Variants in LINGO2 observed in about 807,000 individuals in gnomAD.
LINGO2 encodes the protein leucine rich repeat and Ig domain containing 2.
A neutral mutation model predicts 30.6 loss-of-function variants in LINGO2; 14 were observed. That is an observed-to-expected ratio of 0.46 (90% confidence interval 0.30 to 0.72). The LOEUF is 0.72. Ranked by LOEUF, LINGO2 falls within the 30% of genes least tolerant of loss-of-function variation. The pLI is 0.07. For missense variants in LINGO2, 729 were observed against 751.7 expected (o/e 0.97, Z 0.35); for synonymous variants, 317 against 288.5 (o/e 1.10, Z -1.00).
In LINGO2 at chr9:28,407,474, C is replaced by T. The variant is rs141976653; in HGVS notation, c.-278-34606G>A. ...GATTACACAGAATTAAAAGCACAGA[C>T]GCACATTTCTCAGCTCACCTAAGTC... On this transcript the variant is annotated intron_variant, in intron 2 of 5. Transcript: ENST00000379992. Among the ~76,000 whole-genome samples the T allele has an allele frequency of 2.2e-3, 332 of 152,250 alleles. 2 individuals are homozygous for T. Among genetic ancestry groups the T allele is most frequent in the African/African-American group, 7.5e-3 (311 of 41,572 alleles).
the LINGO2 span, among the ~76,000 whole-genome samples, chr9:28,772,612 C>T: frequency 6.6e-6 from 1 of 152,188 alleles, no homozygotes; most frequent in Non-Finnish European, 1.5e-5. Context: ...GAAAGCATAC[C>T]TTATTTCTTC....
At chr9:28,057,626 T>C (rs1051126002) in intron 4 of LINGO2, among the ~76,000 whole-genome samples, 1 of 149,120 alleles carries the variant, frequency 6.7e-6, no homozygotes. Context: ...TACATATATA[T>C]ACACACATAT....
chr9:28,481,844 G>A (rs539447234), intron 1 of LINGO2, among the ~76,000 whole-genome samples: 5 of 149,238 alleles, frequency 3.4e-5, no homozygotes, highest in African/African-American at 1.2e-4. Context: ...TCATTGTTCA[G>A]TTCCCACCTA....
the LINGO2 span, among the ~76,000 whole-genome samples, chr9:28,973,101 T>C: frequency 6.6e-6 from 1 of 151,960 alleles, no homozygotes; most frequent in Non-Finnish European, 1.5e-5. Context: ...GACAAGGACA[T>C]AGGGGTAGAA....
At chr9:28,747,171 G>C in the LINGO2 span, among the ~76,000 whole-genome samples, 1 of 151,926 alleles carries the variant, frequency 6.6e-6, no homozygotes. Context: ...GAGAGGAGGA[G>C]ATGAAGAGAG....
At chr9:28,717,912 G>A in the LINGO2 span, among the ~76,000 whole-genome samples, 3 of 151,972 alleles carry the variant, frequency 2.0e-5, no homozygotes, top group Non-Finnish European at 4.4e-5. Flanking sequence ...AGGGGATAAT[G>A]ACAACTTAAA....
At chr9:28,804,942 A>C in the LINGO2 span, among the ~76,000 whole-genome samples, 2 of 152,144 alleles carry the variant, frequency 1.3e-5, no homozygotes, top group Admixed American at 1.3e-4. Context: ...GAATATATGA[A>C]AGCACCTAAG....
intron 1 of LINGO2, among the ~76,000 whole-genome samples, chr9:28,533,945 C>A (rs1215668728): frequency 6.6e-6 from 1 of 152,116 alleles, no homozygotes; most frequent in Non-Finnish European, 1.5e-5. Context: ...ATTATATACA[C>A]TTGAAGATCT....
At chr9:28,615,233 G>A (rs1416555223) in intron 1 of LINGO2, among the ~76,000 whole-genome samples, 2 of 151,950 alleles carry the variant, frequency 1.3e-5, no homozygotes, top group African/African-American at 2.4e-5. Context: ...CTTCTTAGAG[G>A]GCCCATGGAT....
chr9:28,082,542 G>A (rs1237720626), intron 4 of LINGO2, among the ~76,000 whole-genome samples: 1 of 152,012 alleles, frequency 6.6e-6, no homozygotes, highest in East Asian at 1.9e-4. Flanking sequence ...GTAGGAATTT[G>A]CAATGAGACA....
At chr9:28,326,778 G>C (rs1825244488) in intron 3 of LINGO2, among the ~76,000 whole-genome samples, 1 of 152,104 alleles carries the variant, frequency 6.6e-6, no homozygotes, top group African/African-American at 2.4e-5. Context: ...ACAAATGTTA[G>C]GAAGGTTCAA....
chr9:28,838,737 C>T, the LINGO2 span, among the ~76,000 whole-genome samples: 3 of 152,174 alleles, frequency 2.0e-5, no homozygotes, highest in African/African-American at 7.2e-5. Context: ...GGCGCCTTTG[C>T]CTGAGTTTTG....
the LINGO2 span, among the ~76,000 whole-genome samples, chr9:29,090,460 G>A: frequency 6.6e-6 from 1 of 151,870 alleles, no homozygotes; most frequent in Non-Finnish European, 1.5e-5. Flanking sequence ...ATCTCTCTAA[G>A]TCTCCTAAGA....
chr9:28,516,939 C>T (rs1041522468), intron 1 of LINGO2, among the ~76,000 whole-genome samples: 4 of 152,100 alleles, frequency 2.6e-5, no homozygotes, highest in South Asian at 2.1e-4. Flanking sequence ...CTATTTAGAG[C>T]AATTTCAAAG....
intron 2 of LINGO2, among the ~76,000 whole-genome samples, chr9:28,389,345 C>T (rs1315767916): frequency 6.6e-6 from 1 of 152,036 alleles, no homozygotes; most frequent in Non-Finnish European, 1.5e-5. Flanking sequence ...TGTTTGTCTT[C>T]AAATATTATT....
rs559246215 is a variant in LINGO2 at position 28,158,460 on chromosome 9, G to T, written c.-87+136748C>A. On this transcript the variant is annotated intron_variant, in intron 4 of 5. Transcript: ENST00000379992. ...AGAGAAAGGTGGGCTCTTAAAGTTG[G>T]TTGGGGAGTTTGAAGACAAAAGAAA... Among the ~76,000 whole-genome samples the T allele has an allele frequency of 4.6e-5, 7 of 152,312 alleles. No individual in the cohort carries two copies. In the South Asian group the frequency reaches 1.4e-3, roughly 32 times the overall value.
the LINGO2 span, among the ~76,000 whole-genome samples, chr9:28,904,647 G>A: frequency 6.6e-6 from 1 of 151,880 alleles, no homozygotes; most frequent in Non-Finnish European, 1.5e-5. Flanking sequence ...AACTGAGTAA[G>A]TGAATGGCCT....
Position 28,148,547 on chromosome 9 carries a change from T to C in LINGO2, c.-86-136142A>G. ...TAGCAATGGGGAAGCAGCTTCCACC[T>C]CTAGGCCCCTGGAGACTCAGGGAAA... On this transcript the variant is annotated intron_variant, in intron 4 of 5. Transcript: ENST00000379992. This position sits in a 1 kb window ranked among gnomAD's most constrained non-coding sequence, Gnocchi z 5.1. 1 of 1,488,890 alleles carries C rather than the reference T, an allele frequency of 6.7e-7. No individual in the cohort carries two copies. The highest frequency in any genetic ancestry group is 2.5e-5 in the East Asian group (1 of 40,666). The allele number at this position is 1,488,890 out of a possible 1,614,324, so 92.2% of individuals were successfully genotyped here.
chr9:29,044,953 G>A, the LINGO2 span, among the ~76,000 whole-genome samples: 1 of 152,160 alleles, frequency 6.6e-6, no homozygotes, highest in African/African-American at 2.4e-5. Context: ...AAAAAGTTTT[G>A]TAAATATTTC....
Sources: gnomAD v4.1 joint callset for allele counts (sites outside exome capture counted in the v4.1 genomes callset) on GRCh38, gnomAD v4.1.1 for gene constraint, Gnocchi (gnomAD v3.1) non-coding constraint, MANE v1.5 for transcripts, NCBI Gene and HGNC (gene_info 2026-07-23, HGNC 2026-07-21) for gene names.